The following XRCC4 variants were observed in gnomAD, a reference collection of about 807,000 sequenced individuals.
XRCC4 encodes X-ray repair cross complementing 4, also known as DNA repair protein XRCC4.
XRCC4 carries 28 observed loss-of-function variants against 39.1 expected under a neutral mutation model. The observed-to-expected ratio is 0.72, with a 90% CI of 0.53 to 0.98. XRCC4 has a LOEUF of 0.98. XRCC4 is among the 50% of genes least tolerant of loss of function. XRCC4 has a pLI of 0.00. For missense variants in XRCC4, 350 were observed against 376.4 expected (o/e 0.93, Z 0.58); for synonymous variants, 123 against 126.4 (o/e 0.97, Z 0.18).
At chr5:83,205,753 T>C (rs1228298597) in intron 6 of XRCC4, among the ~76,000 whole-genome samples, 15 of 152,044 alleles carry the variant, frequency 9.9e-5, no homozygotes, top group Admixed American at 9.8e-4. Flanking sequence ...TAAAATATGT[T>C]AGGTTGATAA....
At chr5:83,108,930 G>C (rs1369275093) in intron 2 of XRCC4, among the ~76,000 whole-genome samples, 3 of 149,548 alleles carry the variant, frequency 2.0e-5, no homozygotes, top group Non-Finnish European at 4.5e-5. Context: ...TATTAAATGT[G>C]TCCACTTCCA....
At chr5:83,255,030 T>C (rs1044175738) in intron 6 of XRCC4, among the ~76,000 whole-genome samples, 1 of 148,986 alleles carries the variant, frequency 6.7e-6, no homozygotes, top group African/African-American at 2.5e-5. Flanking sequence ...GAGGTTGCAG[T>C]GAGCCGAGAT....
At chr5:83,263,689 G>T (rs1296029900) in intron 7 of XRCC4, among the ~76,000 whole-genome samples, 74 of 151,146 alleles carry the variant, frequency 4.9e-4, no homozygotes, top group Non-Finnish European at 8.1e-4. Flanking sequence ...TTTTGATGGG[G>T]TTGTTTGTTT....
intron 6 of XRCC4, among the ~76,000 whole-genome samples, chr5:83,258,081 T>C (rs955650036): frequency 6.6e-5 from 10 of 152,062 alleles, no homozygotes; most frequent in Non-Finnish European, 1.2e-4. Flanking sequence ...GAGAAATACC[T>C]AATATAGATG....
In XRCC4 at chr5:83,123,411, ATT is replaced by A. The variant is rs919168719; in HGVS notation, c.315+12212_315+12213del. On this transcript the variant is annotated intron_variant, in intron 3 of 7. Coordinates refer to ENST00000396027, the MANE Select transcript of XRCC4 (RefSeq NM_003401.5). ...TTTTTTCATCCTTTTGCTTTTAATTATTTTTCTCTTTATGTAAATTAGATTTC... is the reference window on the plus strand; with the variant it reads ...TTTTTTCATCCTTTTGCTTTTAATTATTTCTCTTTATGTAAATTAGATTTC... 7.3e-5 allele frequency among the ~76,000 whole-genome samples: 11 copies of A among 150,418 alleles called. No homozygotes were observed. In the South Asian group the frequency reaches 2.1e-3, roughly 29 times the overall value.
intron 1 of XRCC4, among the ~76,000 whole-genome samples, chr5:83,104,004 GTTGTACTT>G (rs1746077529): frequency 6.6e-6 from 1 of 152,118 alleles, no homozygotes; most frequent in Non-Finnish European, 1.5e-5. Flanking sequence ...AATTCATTGA[GTTGTACTT>G]TTGTACTTTT....
chr5:83,109,472 A>G (rs981135302), intron 2 of XRCC4, among the ~76,000 whole-genome samples: 1 of 151,976 alleles, frequency 6.6e-6, no homozygotes, highest in Non-Finnish European at 1.5e-5. Context: ...AGTGTAATGC[A>G]TAAGTATGAA....
chr5:83,128,659 C>T (rs1481155213), intron 3 of XRCC4, among the ~76,000 whole-genome samples: 9 of 152,160 alleles, frequency 5.9e-5, no homozygotes, highest in East Asian at 1.9e-4. Flanking sequence ...TTTTAATGAT[C>T]GCCATTCTAA....
At chr5:83,120,015 A>AAT (rs1746927419) in intron 3 of XRCC4, among the ~76,000 whole-genome samples, 1 of 147,772 alleles carries the variant, frequency 6.8e-6, no homozygotes, top group African/African-American at 2.6e-5. Context: ...AAAAAAAAAA[A>AAT]CAATAACAGA....
chr5:83,190,971 C>T lies in XRCC4; in HGVS notation c.316-4799C>T, dbSNP rs1750667520. ...CAGAATCACTGCCCAAATCCCTTAC[C>T]TATCCTATTGTAGTTATAGTTTCTT... On this transcript the variant is annotated intron_variant, in intron 3 of 7. Transcript: ENST00000396027. Among the ~76,000 whole-genome samples, 4 of 152,076 alleles carry T rather than the reference C, an allele frequency of 2.6e-5. No homozygotes were observed. In the South Asian group the frequency reaches 8.3e-4, roughly 31 times the overall value.
chr5:83,256,889 T>C (rs969296427), intron 6 of XRCC4, among the ~76,000 whole-genome samples: 32 of 152,164 alleles, frequency 2.1e-4, no homozygotes, highest in African/African-American at 7.7e-4. Context: ...TCTGAAGCCT[T>C]GTTTTCCTTA....
chr5:83,132,331 A>G (rs569960687), intron 3 of XRCC4, among the ~76,000 whole-genome samples: 10 of 149,682 alleles, frequency 6.7e-5, no homozygotes, highest in Non-Finnish European at 1.2e-4. Context: ...CTTCATTTCA[A>G]CTTCGGTGAA....
Position 83,353,296 on chromosome 5 carries a change from T to C in XRCC4, c.*54T>C. The C allele has an allele frequency of 7.4e-7, 1 of 1,354,208 alleles. No homozygotes were observed. Among genetic ancestry groups the C allele is most frequent in the Non-Finnish European group, 1.0e-6 (1 of 985,808 alleles). 83.9% of individuals were successfully genotyped at this position (1,354,208 alleles called of 1,614,324 possible). A position where few individuals can be genotyped will look rare whatever the true frequency, so the allele number is the denominator to read the frequency against. ...TAGACTATGTTTTCTATTCATTTCT[T>C]TAAAATGAAAAAGGAGAATTTCAAG... is the stretch of plus-strand genomic sequence containing the variant. On this transcript the variant is annotated 3_prime_UTR_variant, in exon 8 of 8. Coordinates refer to ENST00000396027, the MANE Select transcript of XRCC4 (RefSeq NM_003401.5).
At chr5:83,103,867 G>T (rs1275031379) in intron 1 of XRCC4, among the ~76,000 whole-genome samples, 2 of 152,144 alleles carry the variant, frequency 1.3e-5, no homozygotes, top group Admixed American at 6.5e-5. Context: ...ATCTCTGTTA[G>T]AAGATAAGAT....
chr5:83,163,694 C>A (rs1440504695), intron 3 of XRCC4, among the ~76,000 whole-genome samples: 1 of 152,164 alleles, frequency 6.6e-6, no homozygotes, highest in African/African-American at 2.4e-5. Flanking sequence ...TTTTGCACCA[C>A]TGATTCTTAA....
intron 3 of XRCC4, among the ~76,000 whole-genome samples, chr5:83,132,780 A>G (rs935920927): frequency 2.6e-5 from 4 of 151,888 alleles, no homozygotes; most frequent in African/African-American, 7.3e-5. Context: ...TTAGCCATTC[A>G]TCTCATCTTT....
intron 6 of XRCC4, among the ~76,000 whole-genome samples, chr5:83,207,273 G>A (rs1209901979): frequency 6.6e-6 from 1 of 152,088 alleles, no homozygotes; most frequent in Non-Finnish European, 1.5e-5. Flanking sequence ...GGCTATATGA[G>A]AAAGAGGACT....
At chr5:83,348,510 C>T (rs967722462) in intron 7 of XRCC4, among the ~76,000 whole-genome samples, 7 of 152,320 alleles carry the variant, frequency 4.6e-5, no homozygotes, top group African/African-American at 1.4e-4. Flanking sequence ...ACAGCTGGAG[C>T]GGGAGCAGCC....
At chr5:83,372,337 C>T in the XRCC4 span, among the ~76,000 whole-genome samples, 1 of 152,142 alleles carries the variant, frequency 6.6e-6, no homozygotes, top group South Asian at 2.1e-4. Flanking sequence ...GAAGTTTATA[C>T]AGAAAATATT....
Sources: allele counts gnomAD v4.1 joint callset (sites outside exome capture counted in the v4.1 genomes callset), GRCh38; gene constraint gnomAD v4.1.1; transcripts MANE v1.5; gene names NCBI Gene and HGNC (gene_info 2026-07-23, HGNC 2026-07-21).